The following NEGR1 variants were observed in gnomAD, a reference collection of about 807,000 sequenced individuals.
NEGR1 encodes the protein IgLON family member 4.
NEGR1 carries 10 observed loss-of-function variants against 40.9 expected under a neutral mutation model. The ratio of observed to expected loss-of-function variants is 0.24; its 90% CI spans 0.15 to 0.42. The LOEUF (loss-of-function observed/expected upper bound fraction) is 0.42, where lower values mean the gene tolerates loss of function less well. NEGR1 is among the 10% of genes least tolerant of loss of function. The pLI is 1.00. For missense variants in NEGR1, 352 were observed against 438.9 expected (o/e 0.80, Z 1.77); for synonymous variants, 185 against 166.8 (o/e 1.11, Z -0.84).
At chr1:72,025,109 T>C (rs1646795350) in intron 1 of NEGR1, among the ~76,000 whole-genome samples, 1 of 152,154 alleles carries the variant, frequency 6.6e-6, no homozygotes, top group Admixed American at 6.5e-5. Flanking sequence ...ATTAAACTTT[T>C]AAGGAATACT....
At chr1:71,991,327 C>A (rs533186243) in intron 1 of NEGR1, among the ~76,000 whole-genome samples, 1 of 152,246 alleles carries the variant, frequency 6.6e-6, no homozygotes, top group South Asian at 2.1e-4. Flanking sequence ...ATTTTAGTAT[C>A]ATCTGGCTCA....
intron 1 of NEGR1, among the ~76,000 whole-genome samples, chr1:71,982,284 G>A (rs1309878309): frequency 6.6e-6 from 1 of 151,984 alleles, no homozygotes; most frequent in East Asian, 1.9e-4. Context: ...TACATAACTT[G>A]TTTTCTTCTA....
chr1:72,112,565 T>C (rs1462318715), intron 1 of NEGR1, among the ~76,000 whole-genome samples: 1 of 151,746 alleles, frequency 6.6e-6, no homozygotes, highest in Non-Finnish European at 1.5e-5. Flanking sequence ...CCTCCTTGTA[T>C]TGAAGCAGAT....
intron 6 of NEGR1, among the ~76,000 whole-genome samples, chr1:71,512,191 A>G (rs10889920): frequency 0.04 from 6,124 of 152,226 alleles, 404 homozygotes; most frequent in African/African-American, 0.14. Context: ...ATAACTATCA[A>G]TTACATTCAA....
At chr1:71,562,281 A>G (rs754384524) in intron 6 of NEGR1, among the ~76,000 whole-genome samples, 1 of 151,872 alleles carries the variant, frequency 6.6e-6, no homozygotes, top group Non-Finnish European at 1.5e-5. Context: ...CTTGATAACT[A>G]TTTGAAAGCA....
chr1:71,551,408 C>T (rs948816964), intron 6 of NEGR1, among the ~76,000 whole-genome samples: 2 of 151,552 alleles, frequency 1.3e-5, no homozygotes. Context: ...CATATACACA[C>T]AAATGTTTCT....
At chr1:72,063,433 A>C (rs749226663) in intron 1 of NEGR1, among the ~76,000 whole-genome samples, 1 of 151,934 alleles carries the variant, frequency 6.6e-6, no homozygotes, top group Non-Finnish European at 1.5e-5. Flanking sequence ...AAGTGAAGTC[A>C]CACCTATTAG....
At chr1:72,196,374 A>G (rs1652999104) in intron 1 of NEGR1, among the ~76,000 whole-genome samples, 1 of 152,130 alleles carries the variant, frequency 6.6e-6, no homozygotes, top group Non-Finnish European at 1.5e-5. Flanking sequence ...TTAGGTTTCA[A>G]CTTCATTTTT....
At chr1:71,457,183 G>A (rs921849639) in intron 6 of NEGR1, among the ~76,000 whole-genome samples, 7 of 151,872 alleles carry the variant, frequency 4.6e-5, no homozygotes, top group African/African-American at 1.7e-4. Flanking sequence ...CCCCACCAGT[G>A]ATTCCACTCT....
intron 1 of NEGR1, among the ~76,000 whole-genome samples, chr1:72,085,695 C>A (rs528034122): frequency 9.9e-5 from 15 of 152,154 alleles, no homozygotes; most frequent in Middle Eastern, 3.4e-3. Flanking sequence ...TCCGGCCAGG[C>A]GCAGTGGCTC....
chr1:71,543,696 A>C (rs1382437419), intron 6 of NEGR1, among the ~76,000 whole-genome samples: 1 of 151,710 alleles, frequency 6.6e-6, no homozygotes, highest in Non-Finnish European at 1.5e-5. Context: ...CAACACATCT[A>C]GGTTTTGCTT....
intron 1 of NEGR1, among the ~76,000 whole-genome samples, chr1:72,025,955 C>CA (rs1044327568): frequency 6.6e-5 from 10 of 150,528 alleles, no homozygotes; most frequent in African/African-American, 2.2e-4. Context: ...ACTAAAAATA[C>CA]AAAAAATTAG....
At chr1:71,410,080 C>T (rs758887931) in intron 6 of NEGR1, among the ~76,000 whole-genome samples, 6 of 151,998 alleles carry the variant, frequency 3.9e-5, no homozygotes, top group Non-Finnish European at 7.4e-5. Context: ...TTACCAATAG[C>T]GTATTTTAAA....
chr1:72,278,509 G>C (rs901093893), intron 1 of NEGR1, among the ~76,000 whole-genome samples: 1 of 151,988 alleles, frequency 6.6e-6, no homozygotes, highest in Non-Finnish European at 1.5e-5. Context: ...TGTTAATAAG[G>C]TAAGAATAAA....
chr1:72,215,346 A>G (rs2100470669), intron 1 of NEGR1, among the ~76,000 whole-genome samples: 1 of 152,266 alleles, frequency 6.6e-6, no homozygotes, highest in East Asian at 1.9e-4. Context: ...AATGGCAACA[A>G]AAGCCAAAAT....
chr1:72,059,750 T>C (rs1647149336), intron 1 of NEGR1, among the ~76,000 whole-genome samples: 1 of 151,706 alleles, frequency 6.6e-6, no homozygotes, highest in Non-Finnish European at 1.5e-5. Context: ...ATATTATCCA[T>C]GAATCTTCAT....
intron 1 of NEGR1, among the ~76,000 whole-genome samples, chr1:72,076,221 G>A (rs932786098): frequency 1.3e-5 from 2 of 152,082 alleles, no homozygotes; most frequent in Middle Eastern, 3.2e-3. Flanking sequence ...TTGGGGAGGT[G>A]ATTGTGTCAT....
At chr1:72,013,509 T>C (rs976357373) in intron 1 of NEGR1, among the ~76,000 whole-genome samples, 8 of 152,132 alleles carry the variant, frequency 5.3e-5, no homozygotes, top group African/African-American at 1.7e-4. Flanking sequence ...CACTTTTCAG[T>C]TTGTATAATT....
chr1:71,464,948 G>A (rs2222177), intron 6 of NEGR1, among the ~76,000 whole-genome samples: 113,396 of 151,952 alleles, frequency 0.75, 42,748 homozygotes, highest in Non-Finnish European at 0.77. Flanking sequence ...CTTCTTAAGA[G>A]AATCTACATC....
Sources: gnomAD v4.1 joint callset for allele counts (sites outside exome capture counted in the v4.1 genomes callset) on GRCh38, gnomAD v4.1.1 for gene constraint, MANE v1.5 for transcripts, NCBI Gene and HGNC (gene_info 2026-07-23, HGNC 2026-07-21) for gene names.